GPC5: variants seen among roughly 807,000 people sequenced by gnomAD.
GPC5 encodes the protein glypican 5.
GPC5 carries 47 observed loss-of-function variants against 53.9 expected under a neutral mutation model. The observed-to-expected ratio is 0.87, with a 90% CI of 0.69 to 1.11. The LOEUF (loss-of-function observed/expected upper bound fraction) is 1.11, where lower values mean the gene tolerates loss of function less well. Among genes scored for constraint, GPC5 ranks in the 50% most tolerant of loss-of-function variants. GPC5 has a pLI of 0.00. For missense variants in GPC5, 748 were observed against 713.1 expected, an observed-to-expected ratio of 1.05 and a Z score of -0.56; for synonymous variants, 286 against 263.3, an observed-to-expected ratio of 1.09 and a Z score of -0.84.
intron 2 of GPC5, among the ~76,000 whole-genome samples, chr13:91,578,886 A>C (rs1256126074): frequency 6.6e-6 from 1 of 151,944 alleles, no homozygotes; most frequent in Non-Finnish European, 1.5e-5. Flanking sequence ...TCTCTATAAA[A>C]ACATAAAAAA....
At chr13:92,846,524 A>C (rs1422881111) in intron 7 of GPC5, among the ~76,000 whole-genome samples, 2 of 152,184 alleles carry the variant, frequency 1.3e-5, no homozygotes, top group African/African-American at 4.8e-5. Flanking sequence ...GGCATCCACA[A>C]TCACTGCTGT....
At chr13:92,125,926 T>G (rs1169519650) in intron 6 of GPC5, among the ~76,000 whole-genome samples, 48 of 2,900 alleles carry the variant, frequency 0.017, 1 homozygote, top group African/African-American at 0.029. Context: ...GTTTTTTGGT[T>G]TTTTTTTTTT....
At chr13:91,747,652 T>TTG (rs397801919) in intron 4 of GPC5, among the ~76,000 whole-genome samples, 1 of 151,916 alleles carries the variant, frequency 6.6e-6, no homozygotes, top group Non-Finnish European at 1.5e-5. Context: ...TTTTTTTTTT[T>TTG]CTAATCTAAC....
chr13:92,542,036 T>C (rs571759287), intron 7 of GPC5, among the ~76,000 whole-genome samples: 64 of 152,124 alleles, frequency 4.2e-4, no homozygotes, highest in African/African-American at 1.5e-3. Flanking sequence ...ATAATAAATT[T>C]CCACTTTTAA....
chr13:91,416,017 C>T (rs903435319), intron 1 of GPC5, among the ~76,000 whole-genome samples: 4 of 152,056 alleles, frequency 2.6e-5, no homozygotes, highest in African/African-American at 4.8e-5. Flanking sequence ...GTGTCTTGTA[C>T]AGAATGGGTG....
chr13:91,464,555 T>C (rs1882119760), intron 2 of GPC5, among the ~76,000 whole-genome samples: 1 of 152,182 alleles, frequency 6.6e-6, no homozygotes, highest in South Asian at 2.1e-4. Context: ...GAATGAACTA[T>C]TGATACATGC....
intron 2 of GPC5, among the ~76,000 whole-genome samples, chr13:91,500,605 A>T (rs1884569171): frequency 6.6e-6 from 1 of 152,216 alleles, no homozygotes; most frequent in Admixed American, 6.5e-5. Flanking sequence ...TTGGAGCTGA[A>T]TAGGCATAGA....
intron 7 of GPC5, among the ~76,000 whole-genome samples, chr13:92,794,229 A>C (rs1431991016): frequency 6.6e-6 from 1 of 152,184 alleles, no homozygotes; most frequent in Non-Finnish European, 1.5e-5. Context: ...TTGGTTCGAC[A>C]TACGTGAATC....
intron 5 of GPC5, among the ~76,000 whole-genome samples, chr13:91,875,304 C>T (rs561843053): frequency 3.9e-5 from 6 of 152,294 alleles, no homozygotes; most frequent in African/African-American, 1.2e-4. Context: ...CGTGTAGTAA[C>T]TTCTGCTTTT....
In GPC5 at chr13:91,439,214, A is replaced by G. The variant is rs7329517; in HGVS notation, c.164-9547A>G. 3.7e-3 allele frequency among the ~76,000 whole-genome samples: 569 copies of G among 152,328 alleles called. 10 individuals carry two copies. The highest frequency in any genetic ancestry group is 0.013 in the African/African-American group (543 of 41,580). ...ATACCCAAGGGGGGGACATTTAGCA[A>G]TGTCTAGAGACATTTTGATTGTTAT... On this transcript the variant is annotated intron_variant, in intron 1 of 7. Transcript: ENST00000377067.
chr13:92,811,925 T>A (rs887479012), intron 7 of GPC5, among the ~76,000 whole-genome samples: 8 of 151,972 alleles, frequency 5.3e-5, no homozygotes, highest in Admixed American at 5.2e-4. Context: ...ATGTCAGGGT[T>A]TATGTCTGAA....
At chr13:92,301,102 G>A (rs990942012) in intron 7 of GPC5, among the ~76,000 whole-genome samples, 6 of 152,174 alleles carry the variant, frequency 3.9e-5, no homozygotes, top group African/African-American at 1.4e-4. Context: ...TAACATCAAT[G>A]AAATAAAATT....
intron 7 of GPC5, among the ~76,000 whole-genome samples, chr13:92,654,752 T>C (rs1430586189): frequency 3.4e-5 from 3 of 87,888 alleles, no homozygotes; most frequent in Admixed American, 1.3e-4. Flanking sequence ...CTTGTATTCA[T>C]CAAAAAAAAA....
At chr13:92,616,803 G>T (rs899054899) in intron 7 of GPC5, among the ~76,000 whole-genome samples, 1 of 152,060 alleles carries the variant, frequency 6.6e-6, no homozygotes, top group African/African-American at 2.4e-5. Flanking sequence ...TTCAAAATGC[G>T]TAAAGCAAGA....
chr13:91,955,987 G>C (rs1045002175), intron 6 of GPC5, among the ~76,000 whole-genome samples: 7 of 152,134 alleles, frequency 4.6e-5, no homozygotes, highest in African/African-American at 1.4e-4. Flanking sequence ...ACACTCTCCA[G>C]CTGCCTGCCT....
chr13:92,131,940 T>C (rs1254065260), intron 6 of GPC5, among the ~76,000 whole-genome samples: 1 of 152,006 alleles, frequency 6.6e-6, no homozygotes, highest in African/African-American at 2.4e-5. Flanking sequence ...CCAACAGATA[T>C]AACTGGGAAT....
At chr13:92,618,224 T>C (rs552907715) in intron 7 of GPC5, among the ~76,000 whole-genome samples, 163 of 152,256 alleles carry the variant, frequency 1.1e-3, no homozygotes, top group Non-Finnish European at 1.9e-3. Context: ...CTCTGTAAGA[T>C]TTTATTGACA....
intron 7 of GPC5, among the ~76,000 whole-genome samples, chr13:92,398,478 CAAT>C (rs1405674281): frequency 7.1e-6 from 1 of 140,328 alleles, no homozygotes; most frequent in African/African-American, 2.7e-5. Context: ...TTTAAAACAA[CAAT>C]AACACAATAG....
intron 5 of GPC5, among the ~76,000 whole-genome samples, chr13:91,826,337 T>C (rs1194516322): frequency 6.6e-6 from 1 of 152,058 alleles, no homozygotes; most frequent in Non-Finnish European, 1.5e-5. Flanking sequence ...TATATATTGG[T>C]CTATCATCTA....
Sources: allele counts gnomAD v4.1 joint callset (sites outside exome capture counted in the v4.1 genomes callset), GRCh38; gene constraint gnomAD v4.1.1; transcripts MANE v1.5; gene names NCBI Gene and HGNC (gene_info 2026-07-23, HGNC 2026-07-21).